CADM2: variants seen among roughly 807,000 people sequenced by gnomAD.
CADM2 encodes the protein cell adhesion molecule 2, also known as immunoglobulin superfamily member 4D.
A neutral mutation model predicts 49.8 loss-of-function variants in CADM2; 12 were observed. That is an observed-to-expected ratio of 0.24 (90% CI 0.15 to 0.39). The LOEUF is 0.39. CADM2 is among the 10% of genes least tolerant of loss of function. The probability of loss-of-function intolerance (pLI) is 1.00; values close to 1 mark genes in which losing one functional copy is unlikely to be tolerated. For synonymous variants in CADM2, 214 were observed against 175.4 expected, an observed-to-expected ratio of 1.22 and a Z score of -1.74; for missense variants, 378 against 492.3, an observed-to-expected ratio of 0.77 and a Z score of 2.20.
At chr3:85,983,712 AT>A (rs980076038) in intron 8 of CADM2, among the ~76,000 whole-genome samples, 13 of 151,572 alleles carry the variant, frequency 8.6e-5, no homozygotes, top group African/African-American at 3.1e-4. Flanking sequence ...TTTCAATTCT[AT>A]TTTTTTGATT....
chr3:85,431,193 G>C (rs1356546811), intron 1 of CADM2, among the ~76,000 whole-genome samples: 1 of 152,082 alleles, frequency 6.6e-6, no homozygotes, highest in Admixed American at 6.6e-5. Context: ...ATACCAGATA[G>C]AGTAGGTGTG....
At chr3:85,844,967 A>C (rs1406278495) in intron 3 of CADM2, among the ~76,000 whole-genome samples, 3 of 151,882 alleles carry the variant, frequency 2.0e-5, no homozygotes, top group Non-Finnish European at 4.4e-5. Flanking sequence ...CATGGGCAAC[A>C]GAGTGAGATG....
Position 84,966,744 on chromosome 3 carries a change from T to C in CADM2, c.61+7076T>C, listed in dbSNP as rs185718752. Among the ~76,000 whole-genome samples, 6 of 152,180 alleles carry C rather than the reference T, an allele frequency of 3.9e-5. No individual in the cohort carries two copies. The East Asian group carries it at 1.2e-3, about 29-fold the overall frequency. On this transcript the variant is annotated intron_variant, in intron 1 of 9. Coordinates refer to ENST00000383699, the MANE Select transcript of CADM2 (RefSeq NM_001167675.2). Reference sequence around the variant, plus strand: ...TTGAAGTAAATATTAACACAGTCATTGTTCAATTTTGGAAACAACTCTTTC... The same window carrying C: ...TTGAAGTAAATATTAACACAGTCATCGTTCAATTTTGGAAACAACTCTTTC...
At chr3:85,840,644 T>C (rs191754059) in intron 3 of CADM2, among the ~76,000 whole-genome samples, 88 of 152,004 alleles carry the variant, frequency 5.8e-4, no homozygotes, top group African/African-American at 2.0e-3. Context: ...CAGAAATCCA[T>C]TGTTCATTTT....
Position 84,997,920 on chromosome 3 carries a change from T to G in CADM2, c.61+38252T>G, listed in dbSNP as rs1252749854. Among the ~76,000 whole-genome samples, 3 of 152,166 alleles carry G rather than the reference T, an allele frequency of 2.0e-5. No individual in the cohort carries two copies. In the East Asian group the frequency reaches 5.8e-4, roughly 29 times the overall value. ...CTATTCTAAAAATCATTTCCTTGAT[T>G]GTCTTCCTTATGAACCTCAAGTTAT... is the stretch of plus-strand genomic sequence containing the variant. On this transcript the variant is annotated intron_variant, in intron 1 of 9. Transcript: ENST00000383699.
At chr3:86,048,628 A>G (rs1736956912) in intron 8 of CADM2, among the ~76,000 whole-genome samples, 1 of 152,176 alleles carries the variant, frequency 6.6e-6, no homozygotes, top group Non-Finnish European at 1.5e-5. Context: ...TTATTATGCT[A>G]AGCCAATATG....
chr3:85,601,895 A>T (rs914096801), intron 1 of CADM2, among the ~76,000 whole-genome samples: 10 of 151,518 alleles, frequency 6.6e-5, no homozygotes, highest in Admixed American at 5.9e-4. Flanking sequence ...TATGTATTTC[A>T]ATTTATTTAA....
chr3:85,515,545 C>G (rs1375597396), intron 1 of CADM2, among the ~76,000 whole-genome samples: 1 of 149,038 alleles, frequency 6.7e-6, no homozygotes, highest in Non-Finnish European at 1.5e-5. Context: ...GCCTCAGCCT[C>G]CCGAGTAGCT....
intron 2 of CADM2, among the ~76,000 whole-genome samples, chr3:85,769,984 G>A (rs186841798): frequency 0.013 from 1,880 of 149,852 alleles, 33 homozygotes; most frequent in African/African-American, 0.044. Flanking sequence ...ATTTATATAT[G>A]ATTCAAAAAA....
intron 1 of CADM2, among the ~76,000 whole-genome samples, chr3:85,219,691 TA>T (rs150662176): frequency 1.3e-5 from 2 of 151,990 alleles, no homozygotes; most frequent in Non-Finnish European, 2.9e-5. Flanking sequence ...TATTGATTTT[TA>T]AAAAAATATT....
intron 1 of CADM2, among the ~76,000 whole-genome samples, chr3:85,365,910 G>A (rs1181236633): frequency 4.6e-5 from 7 of 152,148 alleles, no homozygotes; most frequent in African/African-American, 1.2e-4. Context: ...AATCATGGAA[G>A]CAATTATGAG....
In CADM2 at chr3:85,406,201, T is replaced by A. The variant is rs1466109056; in HGVS notation, c.62-320321T>A. Among the ~76,000 whole-genome samples, 4 of 152,104 alleles carry A rather than the reference T, an allele frequency of 2.6e-5. No individual in the cohort carries two copies. The East Asian group carries it at 7.7e-4, about 29-fold the overall frequency. On this transcript the variant is annotated intron_variant, in intron 1 of 9. Transcript: ENST00000383699. Reference sequence around the variant, plus strand: ...AAAAATGAAGCATATTTGGATTACATCTTCTCAATTCCTCTATGAAGTTAT... The same window carrying A: ...AAAAATGAAGCATATTTGGATTACAACTTCTCAATTCCTCTATGAAGTTAT...
chr3:86,019,672 C>G (rs541355401), intron 8 of CADM2, among the ~76,000 whole-genome samples: 3 of 152,156 alleles, frequency 2.0e-5, no homozygotes, highest in African/African-American at 7.2e-5. Flanking sequence ...TGATTTGGCT[C>G]TCTGTTTGTC....
chr3:85,056,928 C>T lies in CADM2; in HGVS notation c.61+97260C>T, dbSNP rs77032487. 6.6e-5 allele frequency among the ~76,000 whole-genome samples: 10 copies of T among 152,196 alleles called. No individual in the cohort carries two copies. In the East Asian group the frequency reaches 1.7e-3, roughly 26 times the overall value. ...CTCTGAAGGTTTAAAAATACTCATG[C>T]TCAGGCCCTACTTGCAGAGTTACAG... is the stretch of plus-strand genomic sequence containing the variant. On this transcript the variant is annotated intron_variant, in intron 1 of 9. Coordinates refer to ENST00000383699, the MANE Select transcript of CADM2 (RefSeq NM_001167675.2).
intron 2 of CADM2, among the ~76,000 whole-genome samples, chr3:85,770,154 T>C (rs2070003317): frequency 6.6e-6 from 1 of 152,144 alleles, no homozygotes; most frequent in Admixed American, 6.6e-5. Flanking sequence ...TGTTCTTATC[T>C]GAAAGATAAT....
At chr3:85,224,111 A>G (rs1490712971) in intron 1 of CADM2, among the ~76,000 whole-genome samples, 1 of 152,166 alleles carries the variant, frequency 6.6e-6, no homozygotes, top group Non-Finnish European at 1.5e-5. Context: ...TCCTTTGGGT[A>G]TATACCCAAT....
chr3:85,705,644 A>G (rs1424459244), intron 1 of CADM2, among the ~76,000 whole-genome samples: 1 of 152,220 alleles, frequency 6.6e-6, no homozygotes, highest in Non-Finnish European at 1.5e-5. Context: ...GTGGGCCTTC[A>G]TTATGTATTT....
intron 1 of CADM2, among the ~76,000 whole-genome samples, chr3:85,166,835 G>T (rs2040483016): frequency 6.6e-6 from 1 of 151,836 alleles, no homozygotes. Flanking sequence ...TATTAATCAT[G>T]CCAAGGGATT....
chr3:85,724,052 A>T (rs2067600897), intron 1 of CADM2, among the ~76,000 whole-genome samples: 1 of 152,006 alleles, frequency 6.6e-6, no homozygotes, highest in Admixed American at 6.5e-5. Flanking sequence ...ATAACTAAAT[A>T]AAAAAGGAAA....
Sources: gnomAD v4.1 joint callset for allele counts (sites outside exome capture counted in the v4.1 genomes callset) on GRCh38, gnomAD v4.1.1 for gene constraint, MANE v1.5 for transcripts, NCBI Gene and HGNC (gene_info 2026-07-23, HGNC 2026-07-21) for gene names.